Variants in KIAA0586 observed in about 807,000 individuals in gnomAD.
KIAA0586 encodes protein TALPID3.
Under a neutral mutation model 169.8 loss-of-function variants are expected in KIAA0586, and 144 were observed. The observed-to-expected ratio is 0.85, with a 90% CI of 0.74 to 0.97. The LOEUF is 0.97. Ranked by LOEUF, KIAA0586 falls within the 50% of genes least tolerant of loss-of-function variation. KIAA0586 has a pLI of 0.00. For missense variants in KIAA0586, 1,854 were observed against 1,823.0 expected (o/e 1.02, Z -0.31); for synonymous variants, 625 against 612.4 (o/e 1.02, Z -0.30).
intron 27 of KIAA0586, among the ~76,000 whole-genome samples, chr14:58,501,423 C>G (rs941658537): frequency 6.6e-6 from 1 of 152,160 alleles, no homozygotes; most frequent in African/African-American, 2.4e-5. Flanking sequence ...AGGTGGCTCT[C>G]GCAGATCACT....
intron 29 of KIAA0586, among the ~76,000 whole-genome samples, chr14:58,534,778 A>G (rs1008668956): frequency 3.3e-5 from 5 of 152,230 alleles, no homozygotes; most frequent in African/African-American, 1.2e-4. Context: ...GCTTAATTTT[A>G]TCATTGGAAA....
At chr14:58,514,970 T>C (rs1161778969) in intron 29 of KIAA0586, among the ~76,000 whole-genome samples, 3 of 152,194 alleles carry the variant, frequency 2.0e-5, no homozygotes, top group African/African-American at 4.8e-5. Context: ...TTATTTGTCA[T>C]GAGCCCAGGA....
chr14:58,470,724 G>A lies in KIAA0586; in HGVS notation c.2553+1G>A. ...TCCTCCTGTGCAAACTTGGATAAAG[G>A]TATATTTCAGAATTTTATCATATTA... On this transcript the variant is annotated splice_donor_variant, in intron 17 of 30. Transcript: ENST00000652326. LOFTEE classifies it high-confidence loss of function. The A allele has an allele frequency of 6.9e-7, 1 of 1,440,562 alleles. No homozygotes were observed. The highest frequency in any genetic ancestry group is 9.8e-7 in the Non-Finnish European group (1 of 1,023,286). 89.2% of individuals were successfully genotyped at this position (1,440,562 alleles called of 1,614,324 possible). A position where few individuals can be genotyped will look rare whatever the true frequency, so the allele number is the denominator to read the frequency against.
intron 14 of KIAA0586, among the ~76,000 whole-genome samples, chr14:58,464,889 G>A (rs145369371): frequency 1.1e-4 from 17 of 152,162 alleles, no homozygotes; most frequent in African/African-American, 2.9e-4. Flanking sequence ...ATTTTATCGC[G>A]CTACTCAGAA....
At chr14:58,449,886 AAG>A (rs1363669776) in intron 7 of KIAA0586, among the ~76,000 whole-genome samples, 2 of 152,230 alleles carry the variant, frequency 1.3e-5, no homozygotes, top group Non-Finnish European at 2.9e-5. Flanking sequence ...AAAGAAAATA[AAG>A]AGTAAAAATT....
At chr14:58,552,225 A>G (rs531061880), downstream of KIAA0586, among the ~76,000 whole-genome samples, 2 of 152,304 alleles carry the variant, frequency 1.3e-5, no homozygotes, top group Admixed American at 1.3e-4. Context: ...TCTGATCATT[A>G]TTGTTCAGGG....
Position 58,470,697 on chromosome 14 carries a change from C to T in KIAA0586, c.2527C>T (p.Leu843Phe). The stretch of plus-strand genomic sequence containing the variant: ...TCTGTCTAGCCCCAAAGAAGCATCT[C>T]TTCCTCCTGTGCAAACTTGGATAAA... ...SPLSSPKEAS[L>F]PPVQTWIKTP... The change falls in exon 17 of 31, where the codon CTT becomes TTT. Residue 843 changes from leucine (L) to phenylalanine (F), a missense_variant. By Grantham distance (22) the Leu-to-Phe change is conservative. Transcript: ENST00000652326. 2 of 1,597,372 alleles carry T rather than the reference C, an allele frequency of 1.3e-6. No homozygotes were observed. Among genetic ancestry groups the T allele is most frequent in the Non-Finnish European group, 1.7e-6 (2 of 1,165,106 alleles).
At chr14:58,456,897 G>C (rs1006365584) in intron 10 of KIAA0586, 87 bp downstream of exon 10, 2 of 750,478 alleles carry the variant, frequency 2.7e-6, no homozygotes, top group Admixed American at 5.2e-5. Flanking sequence ...GAAATTAGGA[G>C]GAAGGATGAA....
At chr14:58,554,981 G>A (rs2047234503), downstream of KIAA0586, among the ~76,000 whole-genome samples, 1 of 151,800 alleles carries the variant, frequency 6.6e-6, no homozygotes, top group Admixed American at 6.6e-5. Flanking sequence ...CTATAGGACT[G>A]TTATGGTGAA....
chr14:58,553,322 A>T (rs1203780978), downstream of KIAA0586, among the ~76,000 whole-genome samples: 4 of 152,222 alleles, frequency 2.6e-5, no homozygotes, highest in Non-Finnish European at 5.9e-5. Context: ...TGGAGCTAGA[A>T]ATGGATAACA....
intron 30 of KIAA0586, 23 bp from the exon 31 acceptor site, chr14:58,547,758 G>C: frequency 6.2e-7 from 1 of 1,608,450 alleles, no homozygotes; most frequent in Non-Finnish European, 8.5e-7. Context: ...ATGTTGAGCT[G>C]AATGAGCTTC....
At chr14:58,470,035 G>A (rs2041084052) in intron 16 of KIAA0586, among the ~76,000 whole-genome samples, 1 of 151,324 alleles carries the variant, frequency 6.6e-6, no homozygotes, top group Non-Finnish European at 1.5e-5. Context: ...CCAATATCTG[G>A]CTATCTAGTA....
chr14:58,452,971 G>A (rs933747975), intron 8 of KIAA0586, among the ~76,000 whole-genome samples: 1 of 151,072 alleles, frequency 6.6e-6, no homozygotes, highest in Non-Finnish European at 1.5e-5. Flanking sequence ...AGGCTGGAGT[G>A]CGATGGTGTG....
intron 16 of KIAA0586, 150 bp downstream of exon 16, chr14:58,468,072 T>A: frequency 1.8e-6 from 1 of 566,614 alleles, no homozygotes; most frequent in South Asian, 2.9e-5. Flanking sequence ...TTAGACAGAG[T>A]TTTGCTCTTG....
chr14:58,462,818 C>G (rs771312792), intron 14 of KIAA0586, among the ~76,000 whole-genome samples: 1 of 151,968 alleles, frequency 6.6e-6, no homozygotes, highest in Non-Finnish European at 1.5e-5. Flanking sequence ...AGAGTCATGG[C>G]GAAGGGAAGC....
chr14:58,559,477 A>G, the KIAA0586 span, among the ~76,000 whole-genome samples: 1 of 152,142 alleles, frequency 6.6e-6, no homozygotes, highest in Admixed American at 6.5e-5. Flanking sequence ...GCTTTTGGTC[A>G]TTCTCCAGTG....
intron 21 of KIAA0586, among the ~76,000 whole-genome samples, chr14:58,483,027 AGT>A (rs1265299841): frequency 2.0e-5 from 3 of 152,204 alleles, no homozygotes; most frequent in Non-Finnish European, 4.4e-5. Context: ...AATAGTTGAA[AGT>A]GTGATAAAAT....
At position 58,487,936 on chromosome 14, in the gene KIAA0586, T is replaced by C; in HGVS notation, c.3354T>C (p.Pro1118=). Residue 1118 remains proline (P), a synonymous_variant, in exon 23 of 31, where the codon CCT becomes CCC. Transcript: ENST00000652326. ...TTGTTAATACTCCAACAGTTACCCCTACTACTACACCTCCTCCAGCGGCGG... is the reference window on the plus strand; with the variant it reads ...TTGTTAATACTCCAACAGTTACCCCCACTACTACACCTCCTCCAGCGGCGG... ...IMLVNTPTVT[P]TTTPPPAAAV... The C allele has an allele frequency of 6.2e-7, 1 of 1,613,648 alleles. No individual in the cohort carries two copies. The highest frequency in any genetic ancestry group is 8.5e-7 in the Non-Finnish European group (1 of 1,179,772).
chr14:58,468,323 T>G (rs952560971), intron 16 of KIAA0586, among the ~76,000 whole-genome samples: 2 of 152,194 alleles, frequency 1.3e-5, no homozygotes, highest in African/African-American at 4.8e-5. Flanking sequence ...AGTGCTGGGA[T>G]TACAGGCATG....
Sources: gnomAD v4.1 joint callset for allele counts (sites outside exome capture counted in the v4.1 genomes callset) on GRCh38, gnomAD v4.1.1 for gene constraint, MANE v1.5 for transcripts, NCBI Gene and HGNC (gene_info 2026-07-23, HGNC 2026-07-21) for gene names.